Variants in WDFY3 observed in about 807,000 individuals in gnomAD.
WDFY3 encodes WD repeat and FYVE domain containing 3, also known as WD repeat and FYVE domain-containing protein 3.
Under a neutral mutation model 409.6 loss-of-function variants are expected in WDFY3, and 66 were observed. The ratio of observed to expected loss-of-function variants is 0.16; its 90% CI spans 0.13 to 0.20. The LOEUF (loss-of-function observed/expected upper bound fraction) is 0.20. Ranked by LOEUF, WDFY3 falls within the 10% of genes least tolerant of loss-of-function variation. The pLI is 1.00. For missense variants in WDFY3, 3,031 were observed against 4,298.1 expected (o/e 0.71, Z 8.24); for synonymous variants, 1,521 against 1,537.1 (o/e 0.99, Z 0.25).
chr4:84,731,017 G>A (rs756416975), intron 44 of WDFY3, among the ~76,000 whole-genome samples: 28 of 152,158 alleles, frequency 1.8e-4, no homozygotes, highest in African/African-American at 5.5e-4. Flanking sequence ...GGATGGTCTC[G>A]AACTCCCGAC....
intron 1 of WDFY3, among the ~76,000 whole-genome samples, chr4:84,957,960 A>G (rs1774450558): frequency 6.6e-6 from 1 of 152,260 alleles, no homozygotes; most frequent in South Asian, 2.1e-4. Flanking sequence ...AACATTCTGC[A>G]ATGAACTTTA....
At chr4:84,744,634 A>T (rs1739046352) in intron 36 of WDFY3, among the ~76,000 whole-genome samples, 1 of 151,790 alleles carries the variant, frequency 6.6e-6, no homozygotes. Flanking sequence ...CGGGCGGATC[A>T]CGAGGTCAGG....
At chr4:84,703,679 C>G (rs1280254438) in intron 55 of WDFY3, among the ~76,000 whole-genome samples, 1 of 152,196 alleles carries the variant, frequency 6.6e-6, no homozygotes, top group African/African-American at 2.4e-5. Context: ...AACACCCTTA[C>G]CTCCTTTAGA....
chr4:84,709,449 A>G, intron 51 of WDFY3, 102 bp from the exon 52 acceptor site: 1 of 972,582 alleles, frequency 1.0e-6, no homozygotes, highest in Non-Finnish European at 1.5e-6. Flanking sequence ...GGAATTTTTC[A>G]AACTATGGAG....
Position 84,713,188 on chromosome 4 carries a change from C to T in WDFY3, c.8013G>A (p.Gly2671=). Reference sequence around the variant, plus strand: ...GCTCCACACTCGTGTTTGGTCGTTGCCCAGATACAGATTCTGAACTGTCCG... The same window carrying T: ...GCTCCACACTCGTGTTTGGTCGTTGTCCAGATACAGATTCTGAACTGTCCG... ...SLTDSSESVS[G]QRPNTSVEQG... Residue 2671 remains glycine, a synonymous_variant, in exon 51 of 68, where the codon GGG becomes GGA. Coordinates refer to ENST00000295888, the MANE Select transcript of WDFY3 (RefSeq NM_014991.6). 2 of 1,614,116 alleles carry T rather than the reference C, an allele frequency of 1.2e-6. No homozygotes were observed. The highest frequency in any genetic ancestry group is 1.7e-6 in the Non-Finnish European group (2 of 1,180,026).
chr4:84,716,265 G>A (rs1224807956), intron 49 of WDFY3, among the ~76,000 whole-genome samples: 5 of 150,992 alleles, frequency 3.3e-5, no homozygotes, highest in South Asian at 2.1e-4. Flanking sequence ...GTGAAACCCC[G>A]TCTCTACTAA....
intron 15 of WDFY3, among the ~76,000 whole-genome samples, chr4:84,807,512 C>T (rs1488266626): frequency 1.3e-5 from 2 of 151,994 alleles, no homozygotes; most frequent in Non-Finnish European, 1.5e-5. Context: ...ATTAAAACAA[C>T]AATATAGCAG....
At chr4:84,748,876 TTC>T (rs951846289) in intron 36 of WDFY3, among the ~76,000 whole-genome samples, 1 of 151,902 alleles carries the variant, frequency 6.6e-6, no homozygotes, top group African/African-American at 2.4e-5. Flanking sequence ...TGTAAGATAA[TTC>T]TCTCTCTCTT....
intron 66 of WDFY3, 77 bp downstream of exon 66, chr4:84,678,091 C>T: frequency 9.9e-7 from 1 of 1,008,400 alleles, no homozygotes; most frequent in African/African-American, 1.6e-5. Context: ...TCCCCAAAGA[C>T]TGGGCTGGAG....
chr4:84,739,674 T>A (rs1197812646), intron 39 of WDFY3, among the ~76,000 whole-genome samples: 2 of 152,186 alleles, frequency 1.3e-5, no homozygotes, highest in Non-Finnish European at 2.9e-5. Context: ...CACTGGGTTG[T>A]TCCTAGCAGA....
At chr4:84,807,177 C>T (rs1209175153) in intron 15 of WDFY3, among the ~76,000 whole-genome samples, 1 of 152,006 alleles carries the variant, frequency 6.6e-6, no homozygotes, top group African/African-American at 2.4e-5. Context: ...ATTTTAGCAA[C>T]AGAAAAATAC....
chr4:84,785,524 T>C (rs1578507918), intron 24 of WDFY3, among the ~76,000 whole-genome samples: 1 of 152,150 alleles, frequency 6.6e-6, no homozygotes, highest in African/African-American at 2.4e-5. Flanking sequence ...CCTTCTAACA[T>C]ACTTCATGAT....
At chr4:84,755,554 T>C (rs1055328770) in intron 33 of WDFY3, among the ~76,000 whole-genome samples, 154 bp from the exon 34 acceptor site, 2 of 152,178 alleles carry the variant, frequency 1.3e-5, no homozygotes, top group African/African-American at 4.8e-5. Context: ...TACCCTTCCA[T>C]CCTACATTTT....
rs573956714 is a variant in WDFY3 at position 84,765,742 on chromosome 4, C to T, written c.5188+68G>A. 4 of 1,364,952 alleles carry T rather than the reference C, an allele frequency of 2.9e-6. No homozygotes were observed. The African/African-American group carries it at 5.8e-5, about 20-fold the overall frequency. The allele number at this position is 1,364,952 out of a possible 1,614,324, so 84.6% of individuals were successfully genotyped here. A position where few individuals can be genotyped will look rare whatever the true frequency, so the allele number is the denominator to read the frequency against. The stretch of plus-strand genomic sequence containing the variant: ...GATCAAACCGCAGAGGATAAGTTTA[C>T]ATAAAATTTAAAATAAAACAAAACA... On this transcript the variant is annotated intron_variant, in intron 32 of 67. Coordinates refer to ENST00000295888, the MANE Select transcript of WDFY3 (RefSeq NM_014991.6).
chr4:84,883,419 C>T (rs189320347), intron 3 of WDFY3, among the ~76,000 whole-genome samples: 6 of 152,216 alleles, frequency 3.9e-5, no homozygotes, highest in East Asian at 1.9e-4. Context: ...AATCAGTTTA[C>T]CATATTTTTC....
At chr4:84,916,379 G>A (rs1768489568) in intron 2 of WDFY3, among the ~76,000 whole-genome samples, 1 of 152,104 alleles carries the variant, frequency 6.6e-6, no homozygotes, top group African/African-American at 2.4e-5. Context: ...TTCTCAATGA[G>A]AAAAAGAAAC....
rs776242401 is a variant in WDFY3 at position 84,789,663 on chromosome 4, ACACACACC to A, written c.3669+55_3669+62del. ...CACACACACACACACACACACACAC[ACACACACC>A]CCCCAAACTACTACCTTATAAAACA... On this transcript the variant is annotated intron_variant, in intron 22 of 67. Transcript: ENST00000295888. 6.4e-4 allele frequency: 971 copies of A among 1,523,268 alleles called. 29 individuals carry two copies. Among genetic ancestry groups the A allele is most frequent in the African/African-American group, 3.0e-3 (218 of 72,008 alleles). 94.4% of individuals were successfully genotyped at this position (1,523,268 alleles called of 1,614,324 possible).
chr4:84,716,922 C>A lies in WDFY3; in HGVS notation c.7849G>T (p.Val2617Phe). ...TGCAGGAGATATCTCCTTTTATGAA[C>A]TTCCTTGATATCTTCATATGCAAAA... is the stretch of plus-strand genomic sequence containing the variant. ...SIFAYEDIKE[V>F]HKRRYLLQPI... The change falls in exon 49 of 68, where the codon GTT (valine) becomes TTT (phenylalanine). Residue 2617 changes from valine to phenylalanine, a missense_variant. Physicochemically the swap from Val to Phe is conservative, Grantham distance 50. Coordinates refer to ENST00000295888, the MANE Select transcript of WDFY3 (RefSeq NM_014991.6). The A allele has an allele frequency of 1.3e-6, 2 of 1,598,446 alleles. No homozygotes were observed. Among genetic ancestry groups the A allele is most frequent in the Non-Finnish European group, 1.7e-6 (2 of 1,171,942 alleles).
Position 84,724,578 on chromosome 4 carries a change from C to T in WDFY3, c.7289G>A (p.Arg2430Lys). The T allele has an allele frequency of 6.2e-7, 1 of 1,608,664 alleles. No homozygotes were observed. The highest frequency in any genetic ancestry group is 8.5e-7 in the Non-Finnish European group (1 of 1,178,544). The change falls in exon 46 of 68, where the codon AGA becomes AAA. Residue 2430 changes from arginine (R) to lysine (K), a missense_variant. This residue lies in a region of WDFY3 where 127 missense variants were observed against 144.4 expected (regional missense o/e 0.88). Transcript: ENST00000295888. ...DIPQKKPARY[R>K]RAVSYDSKEY... ...TTTACTGTCATAACTTACGGCTCTT[C>T]TATATCGAGCAGGTTTCTAAGAAAT...
Sources: allele counts gnomAD v4.1 joint callset (sites outside exome capture counted in the v4.1 genomes callset), GRCh38; gene constraint gnomAD v4.1.1; regional missense constraint gnomAD v4.1.1; transcripts MANE v1.5; gene names NCBI Gene and HGNC (gene_info 2026-07-23, HGNC 2026-07-21).